Variants in EML6 observed in about 807,000 individuals in gnomAD.
EML6 encodes echinoderm microtubule-associated protein-like 6.
A neutral mutation model predicts 240.1 loss-of-function variants in EML6; 154 were observed. The ratio of observed to expected loss-of-function variants is 0.64; its 90% CI spans 0.56 to 0.73. EML6 has a LOEUF of 0.73. EML6 is among the 30% of genes least tolerant of loss of function. The pLI, the probability that EML6 is intolerant of heterozygous loss-of-function variation, is 0.00. For synonymous variants in EML6, 1,148 were observed against 899.0 expected, an observed-to-expected ratio of 1.28 and a Z score of -4.95; for missense variants, 2,964 against 2,474.6, an observed-to-expected ratio of 1.20 and a Z score of -4.20.
intron 28 of EML6, among the ~76,000 whole-genome samples, chr2:54,947,402 ATAATACCGTTTGG>A: frequency 6.6e-6 from 1 of 152,290 alleles, no homozygotes; most frequent in Admixed American, 6.5e-5. Flanking sequence ...AGTGGTGATT[ATAATACCGTTTGG>A]TCCAATTATC....
intron 2 of EML6, among the ~76,000 whole-genome samples, chr2:54,780,435 T>TCAA (rs1668802218): frequency 1.3e-5 from 2 of 152,218 alleles, no homozygotes; most frequent in African/African-American, 4.8e-5. Flanking sequence ...TTTGACCTGA[T>TCAA]ACAGAGATCT....
At chr2:54,737,391 C>T (rs1178883833) in intron 2 of EML6, among the ~76,000 whole-genome samples, 8 of 152,050 alleles carry the variant, frequency 5.3e-5, no homozygotes, top group African/African-American at 4.8e-5. Flanking sequence ...CTCTGCCTCC[C>T]GGGTTCAAGC....
At chr2:54,852,267 T>G (rs377318890) in intron 10 of EML6, among the ~76,000 whole-genome samples, 8 of 152,222 alleles carry the variant, frequency 5.3e-5, no homozygotes, top group African/African-American at 1.9e-4. Flanking sequence ...TATTAACATT[T>G]AGTTTGTGTG....
In EML6 at chr2:54,820,386, T is replaced by C. The variant is rs1416037202; in HGVS notation, c.457-8T>C. 1.9e-6 allele frequency: 3 copies of C among 1,544,580 alleles called. No homozygotes were observed. The highest frequency in any genetic ancestry group is 2.6e-6 in the Non-Finnish European group (3 of 1,141,994). ...GATCAACATGGCAACTTTTAATGTT[T>C]TGAACAGATTTTTGATATTTCCTGG... On this transcript the variant is annotated splice_polypyrimidine_tract_variant and splice_region_variant and intron_variant, in intron 4 of 41. Transcript: ENST00000356458.
rs905030190 is a variant in EML6 at position 54,885,369 on chromosome 2, C to T, written c.2439-5685C>T. On this transcript the variant is annotated intron_variant, in intron 17 of 41. Transcript: ENST00000356458. ...GGCTGAGACAGGAGAATCACTTGAA[C>T]CCGGGAGGCGGAGGTTGTAGTGAGC... Among the ~76,000 whole-genome samples the T allele has an allele frequency of 6.9e-4, 105 of 152,072 alleles. 1 individual carries two copies. The highest frequency in any genetic ancestry group is 2.5e-3 in the African/African-American group (103 of 41,510).
intron 28 of EML6, among the ~76,000 whole-genome samples, chr2:54,932,065 T>A (rs557478250): frequency 6.6e-6 from 1 of 152,362 alleles, no homozygotes; most frequent in South Asian, 2.1e-4. Context: ...GCTAATTACA[T>A]TGTGAGTTCT....
intron 16 of EML6, 77 bp downstream of exon 16, chr2:54,871,682 C>G: frequency 3.0e-6 from 3 of 1,015,060 alleles, no homozygotes; most frequent in African/African-American, 1.6e-5. Context: ...CCCGCGCATG[C>G]GCGCACGCGT....
intron 17 of EML6, among the ~76,000 whole-genome samples, chr2:54,885,902 C>T (rs772117195): frequency 6.6e-5 from 10 of 152,126 alleles, no homozygotes; most frequent in African/African-American, 1.9e-4. Context: ...TGAGCCACCA[C>T]GTCCAGCCCA....
intron 17 of EML6, among the ~76,000 whole-genome samples, chr2:54,885,743 C>G (rs1293696756): frequency 6.6e-6 from 1 of 152,092 alleles, no homozygotes; most frequent in Non-Finnish European, 1.5e-5. Flanking sequence ...TCCTGAGTAG[C>G]TGGGACTACA....
intron 7 of EML6, among the ~76,000 whole-genome samples, chr2:54,830,810 AC>A (rs1221515743): frequency 1.3e-5 from 2 of 152,226 alleles, no homozygotes; most frequent in Non-Finnish European, 2.9e-5. Flanking sequence ...TCTGTGAAAT[AC>A]AAAAATGTGC....
intron 26 of EML6, among the ~76,000 whole-genome samples, chr2:54,927,567 T>G (rs1278115648): frequency 6.6e-6 from 1 of 152,166 alleles, no homozygotes; most frequent in East Asian, 1.9e-4. Flanking sequence ...GAGCTGAATA[T>G]GGAAGCTTTT....
At chr2:54,925,883 A>G (rs1674517447) in intron 26 of EML6, among the ~76,000 whole-genome samples, 1 of 152,156 alleles carries the variant, frequency 6.6e-6, no homozygotes, top group East Asian at 1.9e-4. Context: ...CCACTGTGTC[A>G]TTTGCATTTT....
In EML6 at chr2:54,896,263, G is replaced by A. The variant is rs114830177; in HGVS notation, c.2982+863G>A. On this transcript the variant is annotated intron_variant, in intron 21 of 41. Coordinates refer to ENST00000356458, the MANE Select transcript of EML6 (RefSeq NM_001039753.4). ...AGATGTAAGTCCTGTCAATCTGTCC[G>A]TCCATAAAATGAACAAGACAAATTA... Among the ~76,000 whole-genome samples, 54 of 152,218 alleles carry A rather than the reference G, an allele frequency of 3.5e-4. 1 individual carries two copies. The highest frequency in any genetic ancestry group is 1.4e-3 in the East Asian group (7 of 5,174).
In EML6 at chr2:54,850,173, C is replaced by CA; in HGVS notation, c.1402dup (p.Thr468AsnfsTer2). The CA allele has an allele frequency of 6.4e-7, 1 of 1,551,602 alleles. No individual in the cohort carries two copies. ...CTGGTCCTTGGATAGTAAATACTTA[C>CA]AAACTAATGACGGTGCAGGAGAACG... On this transcript the variant is annotated frameshift_variant, in exon 10 of 42. Transcript: ENST00000356458. LOFTEE classifies it high-confidence loss of function.
chr2:54,855,816 G>A (rs1298516523), intron 11 of EML6, among the ~76,000 whole-genome samples: 2 of 152,084 alleles, frequency 1.3e-5, no homozygotes, highest in Non-Finnish European at 2.9e-5. Context: ...CAAAACTACT[G>A]GTGGGGAAGT....
chr2:54,841,341 T>C (rs979989801), intron 7 of EML6, among the ~76,000 whole-genome samples: 6 of 152,214 alleles, frequency 3.9e-5, no homozygotes, highest in Admixed American at 6.5e-5. Context: ...GTGTGCTTTT[T>C]CCCACCATTT....
rs1280838130 is a variant in EML6 at position 54,749,588 on chromosome 2, A to T, written c.197+24330A>T. On this transcript the variant is annotated intron_variant, in intron 2 of 41. Coordinates refer to ENST00000356458, the MANE Select transcript of EML6 (RefSeq NM_001039753.4). ...CATATATATGTGATTTATATTACCTATTATTATGTACTGGGCACGCTGAGC... is the reference window on the plus strand; with the variant it reads ...CATATATATGTGATTTATATTACCTTTTATTATGTACTGGGCACGCTGAGC... Among the ~76,000 whole-genome samples, 4 of 152,250 alleles carry T rather than the reference A, an allele frequency of 2.6e-5. No homozygotes were observed. The South Asian group carries it at 6.2e-4, about 24-fold the overall frequency.
At chr2:54,863,454 G>A (rs1670790514) in intron 12 of EML6, among the ~76,000 whole-genome samples, 1 of 152,172 alleles carries the variant, frequency 6.6e-6, no homozygotes, top group African/African-American at 2.4e-5. Flanking sequence ...CCCGGAGGAG[G>A]AGGTTGTAGT....
At chr2:54,883,401 TC>T (rs1454414634) in intron 17 of EML6, among the ~76,000 whole-genome samples, 3 of 152,190 alleles carry the variant, frequency 2.0e-5, no homozygotes, top group Non-Finnish European at 4.4e-5. Flanking sequence ...TATCAAACAT[TC>T]ATCAGTCTTC....
Sources: gnomAD v4.1 joint callset for allele counts (sites outside exome capture counted in the v4.1 genomes callset) on GRCh38, gnomAD v4.1.1 for gene constraint, MANE v1.5 for transcripts, NCBI Gene and HGNC (gene_info 2026-07-23, HGNC 2026-07-21) for gene names.